Variants in TAFA1 observed in about 807,000 individuals in gnomAD.
TAFA1 encodes TAFA chemokine like family member 1, also known as chemokine-like protein TAFA-1.
TAFA1 carries 4 observed loss-of-function variants against 18.5 expected under a neutral mutation model. The ratio of observed to expected loss-of-function variants is 0.22; its 90% CI spans 0.11 to 0.49. TAFA1 has a LOEUF of 0.49. Ranked by LOEUF, TAFA1 falls within the 20% of genes least tolerant of loss-of-function variation. TAFA1 has a pLI of 0.98. For synonymous variants in TAFA1, 56 were observed against 55.2 expected, an observed-to-expected ratio of 1.01 and a Z score of -0.06; for missense variants, 147 against 169.0, an observed-to-expected ratio of 0.87 and a Z score of 0.72.
intron 2 of TAFA1, among the ~76,000 whole-genome samples, chr3:68,115,388 G>A (rs1575624193): frequency 6.6e-6 from 1 of 152,100 alleles, no homozygotes. Flanking sequence ...TATGTCATCT[G>A]TGAAGCAAAA....
chr3:68,008,064 T>G (rs2106771047), intron 2 of TAFA1, among the ~76,000 whole-genome samples: 1 of 152,318 alleles, frequency 6.6e-6, no homozygotes, highest in Admixed American at 6.5e-5. Flanking sequence ...GGGCTGAGGC[T>G]GGGGGCTGTT....
intron 3 of TAFA1, among the ~76,000 whole-genome samples, chr3:68,500,166 G>A (rs2072632694): frequency 6.6e-6 from 1 of 151,974 alleles, no homozygotes; most frequent in South Asian, 2.1e-4. Context: ...TGTCTCTTTA[G>A]GTGAGTCATG....
At chr3:68,105,098 A>T (rs1292197386) in intron 2 of TAFA1, among the ~76,000 whole-genome samples, 2 of 152,038 alleles carry the variant, frequency 1.3e-5, no homozygotes, top group Non-Finnish European at 2.9e-5. Flanking sequence ...ACTCTTTTAA[A>T]CAACCAGATC....
intron 2 of TAFA1, among the ~76,000 whole-genome samples, chr3:68,168,631 G>A (rs1308225637): frequency 6.6e-6 from 1 of 152,158 alleles, no homozygotes; most frequent in Non-Finnish European, 1.5e-5. Flanking sequence ...CGTACCAACG[G>A]TTTAGCTAAA....
intron 2 of TAFA1, among the ~76,000 whole-genome samples, chr3:68,056,206 A>G (rs1163211704): frequency 6.6e-6 from 1 of 152,100 alleles, no homozygotes; most frequent in Non-Finnish European, 1.5e-5. Context: ...GTGACTAGCA[A>G]TGGTAATTTT....
At chr3:68,473,264 A>C (rs2072034859) in intron 3 of TAFA1, among the ~76,000 whole-genome samples, 1 of 152,186 alleles carries the variant, frequency 6.6e-6, no homozygotes, top group Non-Finnish European at 1.5e-5. Context: ...GGAATCTATG[A>C]GGAATAGGAT....
intron 2 of TAFA1, among the ~76,000 whole-genome samples, chr3:68,403,944 G>A (rs1202369878): frequency 6.6e-6 from 1 of 152,132 alleles, no homozygotes; most frequent in East Asian, 1.9e-4. Flanking sequence ...ATAAGCCCAG[G>A]AAGAGAAGAC....
At chr3:68,524,064 C>A (rs1387054938) in intron 3 of TAFA1, among the ~76,000 whole-genome samples, 1 of 152,152 alleles carries the variant, frequency 6.6e-6, no homozygotes. Flanking sequence ...CTTAAAAGAA[C>A]AAAAATGTAC....
At chr3:68,056,888 C>T (rs760635004) in intron 2 of TAFA1, among the ~76,000 whole-genome samples, 1 of 152,054 alleles carries the variant, frequency 6.6e-6, no homozygotes, top group Non-Finnish European at 1.5e-5. Flanking sequence ...CTGGATGAGA[C>T]GAGTAGGGAA....
intron 2 of TAFA1, among the ~76,000 whole-genome samples, chr3:68,141,779 G>C (rs1403757215): frequency 6.6e-6 from 1 of 152,164 alleles, no homozygotes; most frequent in East Asian, 1.9e-4. Flanking sequence ...TCTTCCTTTT[G>C]AACAATTGGA....
intron 2 of TAFA1, among the ~76,000 whole-genome samples, chr3:68,033,826 C>T (rs1473292938): frequency 2.6e-5 from 4 of 152,180 alleles, no homozygotes; most frequent in African/African-American, 9.7e-5. Context: ...TTTACAACCT[C>T]CTTTGGATCA....
intron 2 of TAFA1, among the ~76,000 whole-genome samples, chr3:68,381,895 T>C (rs2069967088): frequency 6.6e-6 from 1 of 152,168 alleles, no homozygotes; most frequent in Non-Finnish European, 1.5e-5. Flanking sequence ...CAGTATGATA[T>C]TGGCTGTGGG....
intron 2 of TAFA1, among the ~76,000 whole-genome samples, chr3:68,342,756 T>C (rs966504360): frequency 5.3e-5 from 8 of 152,234 alleles, no homozygotes; most frequent in South Asian, 2.1e-4. Context: ...TAGGCAAATA[T>C]CCTTCAAGAG....
chr3:68,036,083 G>C, intron 2 of TAFA1, among the ~76,000 whole-genome samples: 1 of 152,084 alleles, frequency 6.6e-6, no homozygotes, highest in East Asian at 1.9e-4. Flanking sequence ...CCACATATTG[G>C]GATACTGGCT....
chr3:68,518,587 A>G (rs2072963571), intron 3 of TAFA1, among the ~76,000 whole-genome samples: 2 of 152,200 alleles, frequency 1.3e-5, no homozygotes, highest in Non-Finnish European at 2.9e-5. Context: ...TACTTTTATA[A>G]TAACAATAAC....
intron 2 of TAFA1, among the ~76,000 whole-genome samples, chr3:68,393,280 C>T (rs1459612653): frequency 6.6e-6 from 1 of 151,854 alleles, no homozygotes; most frequent in Non-Finnish European, 1.5e-5. Flanking sequence ...TTCCTGGACA[C>T]ATACACCCTC....
At chr3:68,029,527 A>G (rs1395491629) in intron 2 of TAFA1, among the ~76,000 whole-genome samples, 1 of 152,220 alleles carries the variant, frequency 6.6e-6, no homozygotes. Flanking sequence ...AAGTTAAATA[A>G]ATCAGTAAAA....
rs73837229 is a variant in TAFA1 at position 68,018,184 on chromosome 3, C to T, written c.118+11440C>T. ...ATCTCAAGGCTGCCTTATCAGTGTACATTGATGATCACAGATGGAGATGGA... is the reference window on the plus strand; with the variant it reads ...ATCTCAAGGCTGCCTTATCAGTGTATATTGATGATCACAGATGGAGATGGA... On this transcript the variant is annotated intron_variant, in intron 2 of 4. Transcript: ENST00000478136. 4.3e-3 allele frequency among the ~76,000 whole-genome samples: 660 copies of T among 152,260 alleles called. 10 individuals are homozygous for T. The highest frequency in any genetic ancestry group is 0.015 in the African/African-American group (638 of 41,556).
intron 2 of TAFA1, among the ~76,000 whole-genome samples, chr3:68,185,348 TAA>T (rs2066256796): frequency 6.6e-6 from 1 of 151,860 alleles, no homozygotes; most frequent in African/African-American, 2.4e-5. Flanking sequence ...TAATGGCAGG[TAA>T]AGAGAGTAGA....
Sources: gnomAD v4.1 joint callset for allele counts (sites outside exome capture counted in the v4.1 genomes callset) on GRCh38, gnomAD v4.1.1 for gene constraint, MANE v1.5 for transcripts, NCBI Gene and HGNC (gene_info 2026-07-23, HGNC 2026-07-21) for gene names.